Variants in OR11A1 observed in about 807,000 individuals in gnomAD.
The protein encoded by OR11A1 is olfactory receptor family 11 subfamily A member 1.
For synonymous variants in OR11A1, 158 were observed against 152.2 expected, an observed-to-expected ratio of 1.04 and a Z score of -0.28; for missense variants, 380 against 378.2, an observed-to-expected ratio of 1.00 and a Z score of -0.04.
Position 29,426,592 on chromosome 6 carries a change from G to C in OR11A1, c.*102C>G. The C allele has an allele frequency of 1.2e-6, 1 of 825,136 alleles. No individual in the cohort carries two copies. Among genetic ancestry groups the C allele is most frequent in the East Asian group, 2.6e-5 (1 of 39,214 alleles). 51.1% of individuals were successfully genotyped at this position (825,136 alleles called of 1,614,324 possible). On this transcript the variant is annotated 3_prime_UTR_variant, in exon 5 of 5. Transcript: ENST00000377149. ...TAGTATAACTGCAGAAGAGTTCAAA[G>C]AGAATGGTCGAATAAGACAAAGTTA...
chr6:29,450,048 C>T (rs1785193842), intron 1 of OR11A1, among the ~76,000 whole-genome samples: 1 of 152,194 alleles, frequency 6.6e-6, no homozygotes, highest in South Asian at 2.1e-4. Context: ...AATAAGTCCT[C>T]CAACTTTTCT....
intron 1 of OR11A1, among the ~76,000 whole-genome samples, chr6:29,448,671 C>T (rs1441966716): frequency 6.6e-6 from 1 of 152,234 alleles, no homozygotes; most frequent in African/African-American, 2.4e-5. Context: ...CTCAACTCCT[C>T]TAATGAATTC....
At chr6:29,447,113 C>T (rs1784850483) in intron 1 of OR11A1, among the ~76,000 whole-genome samples, 1 of 152,182 alleles carries the variant, frequency 6.6e-6, no homozygotes, top group African/African-American at 2.4e-5. Context: ...TTCCTGTGGA[C>T]TGGCTTTACT....
At position 29,440,277 on chromosome 6, in the gene OR11A1, C is replaced by T. The variant is rs781721806; in HGVS notation, c.-388-8290G>A. ...GCTACTTCACCACCTCCTTACTGGC[C>T]GGCGCCACATCTCTCGCTCTGGATG... On this transcript the variant is annotated intron_variant, in intron 1 of 4. Transcript: ENST00000377149. 4 of 1,614,036 alleles carry T rather than the reference C, an allele frequency of 2.5e-6. No homozygotes were observed. The highest frequency in any genetic ancestry group is 4.5e-5 in the East Asian group (2 of 44,872).
At chr6:29,440,735 C>A in intron 1 of OR11A1, 1 of 1,613,908 alleles carries the variant, frequency 6.2e-7, no homozygotes. Flanking sequence ...TCTCCACCTG[C>A]TCCTCCCACC....
At chr6:29,455,450 T>C (rs937539299) in intron 1 of OR11A1, among the ~76,000 whole-genome samples, 6 of 152,216 alleles carry the variant, frequency 3.9e-5, no homozygotes, top group African/African-American at 1.2e-4. Context: ...GTGAGATTAA[T>C]AAGTCTAGAG....
intron 1 of OR11A1, chr6:29,440,252 G>A (rs1193525345): frequency 6.2e-6 from 10 of 1,613,854 alleles, no homozygotes; most frequent in Non-Finnish European, 6.8e-6. Flanking sequence ...CGGTCCCCCT[G>A]CTACTTCACC....
At chr6:29,447,898 G>A (rs1421203446) in intron 1 of OR11A1, among the ~76,000 whole-genome samples, 1 of 151,394 alleles carries the variant, frequency 6.6e-6, no homozygotes, top group Admixed American at 6.6e-5. Context: ...TTTCTCTCTG[G>A]TGTTCTATAG....
At chr6:29,433,695 T>C (rs564461807) in intron 1 of OR11A1, among the ~76,000 whole-genome samples, 8 of 152,072 alleles carry the variant, frequency 5.3e-5, no homozygotes, top group South Asian at 4.2e-4. Flanking sequence ...AGACAAGGGA[T>C]TGCTGGGTCA....
chr6:29,427,556 A>T lies in OR11A1; in HGVS notation c.86T>A (p.Phe29Tyr), dbSNP rs1782924087. ...ATAGACAGCAGTGAATACAATAAAA[A>T]ACAAGAAATGCAGTTCAGGGATGTC... ...FYDIPELHFL[F>Y]FIVFTAVYVF... is the part of the protein sequence containing the mutation. The change falls in exon 5 of 5, where the codon TTT becomes TAT. Residue 29 changes from phenylalanine to tyrosine, a missense_variant. Physicochemically the swap from Phe to Tyr is conservative, Grantham distance 22. Transcript: ENST00000377149. 1.9e-6 allele frequency: 3 copies of T among 1,613,092 alleles called. No individual in the cohort carries two copies. Among genetic ancestry groups the T allele is most frequent in the African/African-American group, 1.3e-5 (1 of 75,056 alleles).
intron 1 of OR11A1, among the ~76,000 whole-genome samples, chr6:29,445,493 G>A (rs1011589287): frequency 2.0e-5 from 3 of 152,216 alleles, no homozygotes; most frequent in African/African-American, 7.2e-5. Context: ...CGGCTCACAA[G>A]GAAAGCCATC....
intron 1 of OR11A1, among the ~76,000 whole-genome samples, chr6:29,446,688 A>G (rs1283705992): frequency 6.6e-6 from 1 of 152,242 alleles, no homozygotes; most frequent in Non-Finnish European, 1.5e-5. Flanking sequence ...GAAGCACAGA[A>G]GTTAAAAGTC....
chr6:29,435,618 A>G (rs1461087588), intron 1 of OR11A1, among the ~76,000 whole-genome samples: 3 of 152,216 alleles, frequency 2.0e-5, no homozygotes, highest in African/African-American at 7.2e-5. Context: ...AATATTGTTC[A>G]ATCTCTTATC....
chr6:29,427,299 G>A lies in OR11A1; in HGVS notation c.343C>T (p.Leu115=), dbSNP rs140987104. 3.1e-6 allele frequency: 5 copies of A among 1,613,024 alleles called. No individual in the cohort carries two copies. In the African/African-American group the frequency reaches 4.0e-5, roughly 13 times the overall value. The change falls in exon 5 of 5, where the codon CTG becomes TTG. Residue 115 remains leucine (L), a synonymous_variant. Coordinates refer to ENST00000377149, the MANE Select transcript of OR11A1 (RefSeq NM_001394828.1). ...FGSLATAECL[L]LAVMAYDRYL... ...CGGTCATATGCCATGACAGCCAGCA[G>A]TAAGCATTCAGCTGTGGCTAGAGAG...
chr6:29,437,987 T>A (rs994602399), intron 1 of OR11A1, among the ~76,000 whole-genome samples: 3 of 152,228 alleles, frequency 2.0e-5, no homozygotes, highest in Non-Finnish European at 4.4e-5. Flanking sequence ...GCATTTCCAT[T>A]ACTTTCAGCC....
chr6:29,426,103 A>T lies in OR11A1; in HGVS notation c.*591T>A, dbSNP rs1782776856. On this transcript the variant is annotated 3_prime_UTR_variant, in exon 5 of 5. Coordinates refer to ENST00000377149, the MANE Select transcript of OR11A1 (RefSeq NM_001394828.1). ...AAATACACATAGAAAGAAATTTTTA[A>T]ATGTCATACAACAATAATATAAAAA... 1 of 152,580 alleles carries T rather than the reference A, an allele frequency of 6.6e-6. No homozygotes were observed. The highest frequency in any genetic ancestry group is 1.5e-5 in the Non-Finnish European group (1 of 68,030). 9.5% of individuals were successfully genotyped at this position (152,580 alleles called of 1,614,324 possible).
In OR11A1 at chr6:29,427,486, A is replaced by T; in HGVS notation, c.156T>A (p.Val52=). The T allele has an allele frequency of 1.9e-6, 3 of 1,613,088 alleles. No homozygotes were observed. Among genetic ancestry groups the T allele is most frequent in the Non-Finnish European group, 2.5e-6 (3 of 1,180,034 alleles). ...TGGGTTTGTGGAGCCTCTGGGAGCT[A>T]ACCACTGCTACAATAATCAGCATAT... ...IGNMLIIVAV[V]SSQRLHKPMY... Residue 52 remains valine (V), a synonymous_variant, in exon 5 of 5, where the codon GTT becomes GTA. Coordinates refer to ENST00000377149, the MANE Select transcript of OR11A1 (RefSeq NM_001394828.1).
In OR11A1 at chr6:29,442,601, C is replaced by CT. The variant is rs1410973300; in HGVS notation, c.-388-10615dup. On this transcript the variant is annotated intron_variant, in intron 1 of 4. Transcript: ENST00000377149. ...TAAGAAAGCACTGATTCTCATGAAA[C>CT]TATCAGAGAACAGTTTGCAAAGTAA... 3.9e-5 allele frequency among the ~76,000 whole-genome samples: 6 copies of CT among 152,298 alleles called. No individual in the cohort carries two copies. In the South Asian group the frequency reaches 1.0e-3, roughly 26 times the overall value.
chr6:29,425,564 G>A lies in OR11A1; in HGVS notation c.*1130C>T, dbSNP rs1355058507. The A allele has an allele frequency of 6.6e-6, 1 of 152,082 alleles. No homozygotes were observed. The highest frequency in any genetic ancestry group is 1.5e-5 in the Non-Finnish European group (1 of 67,998). The allele number at this position is 152,082 out of a possible 1,614,324, so 9.4% of individuals were successfully genotyped here. A position where few individuals can be genotyped will look rare whatever the true frequency, so the allele number is the denominator to read the frequency against. On this transcript the variant is annotated 3_prime_UTR_variant, in exon 5 of 5. Transcript: ENST00000377149. The stretch of plus-strand genomic sequence containing the variant: ...ACAGATTATACTAAATACATATGTG[G>A]AATATGTACATACATAACTTACACA...
Sources: allele counts gnomAD v4.1 joint callset (sites outside exome capture counted in the v4.1 genomes callset), GRCh38; gene constraint gnomAD v4.1.1; transcripts MANE v1.5; gene names NCBI Gene and HGNC (gene_info 2026-07-23, HGNC 2026-07-21).